Variants in COL4A2 observed in about 807,000 individuals in gnomAD.
COL4A2 encodes collagen alpha-2(IV) chain.
Under a neutral mutation model 200.2 loss-of-function variants are expected in COL4A2, and 99 were observed. The observed-to-expected ratio is 0.49, with a 90% confidence interval of 0.42 to 0.58. COL4A2 has a LOEUF of 0.58. Among genes scored for constraint, COL4A2 ranks in the 20% least tolerant of loss-of-function variants. The probability of loss-of-function intolerance (pLI) is 0.00; values close to 1 mark genes in which losing one functional copy is unlikely to be tolerated. For missense variants in COL4A2, 1,950 were observed against 2,314.1 expected (o/e 0.84, Z 3.23); for synonymous variants, 897 against 900.6 (o/e 1.00, Z 0.07).
At chr13:110,388,983 C>T (rs531642232) in intron 4 of COL4A2, among the ~76,000 whole-genome samples, 2 of 152,358 alleles carry the variant, frequency 1.3e-5, no homozygotes, top group Non-Finnish European at 2.9e-5. Flanking sequence ...GCCCTGCGAT[C>T]TCCATCCTGT....
chr13:110,310,249 C>T (rs575964699), intron 3 of COL4A2, among the ~76,000 whole-genome samples: 2 of 152,296 alleles, frequency 1.3e-5, no homozygotes, highest in Admixed American at 1.3e-4. Flanking sequence ...AAAGTGCAGG[C>T]CCCCTAGACC....
intron 3 of COL4A2, among the ~76,000 whole-genome samples, chr13:110,309,843 C>G (rs1446757877): frequency 2.0e-5 from 3 of 151,932 alleles, no homozygotes; most frequent in South Asian, 4.1e-4. Flanking sequence ...ACAAAAAAAT[C>G]AGCCGGGCTT....
At chr13:110,383,584 G>GTTATT (rs1566503849) in intron 4 of COL4A2, among the ~76,000 whole-genome samples, 1 of 133,070 alleles carries the variant, frequency 7.5e-6, no homozygotes, top group East Asian at 2.3e-4. Flanking sequence ...GCAATCAGTG[G>GTTATT]TTATTTTGTG....
chr13:110,456,685 C>A, intron 20 of COL4A2: 1 of 445,560 alleles, frequency 2.2e-6, no homozygotes, highest in Non-Finnish European at 4.6e-6. Flanking sequence ...TGGCTGAAAG[C>A]CACCCTGGGC....
In COL4A2 at chr13:110,429,923, T is replaced by C. The variant is rs1482277442; in HGVS notation, c.516T>C (p.Tyr172=). 2.5e-6 allele frequency: 4 copies of C among 1,612,298 alleles called. No individual in the cohort carries two copies. The highest frequency in any genetic ancestry group is 2.5e-6 in the Non-Finnish European group (3 of 1,179,466). Residue 172 remains tyrosine (Y), a synonymous_variant, in exon 8 of 48, where the codon TAT becomes TAC. Coordinates refer to ENST00000360467, the MANE Select transcript of COL4A2 (RefSeq NM_001846.4). ...QGPKGQKGEP[Y]ALPKEERDRY... ...CAAAAGGGCAGAAAGGTGAGCCTTA[T>C]GCACTGCCTAAAGAGGAGCGCGACA...
At chr13:110,483,100 T>C (rs1288169033) in intron 32 of COL4A2, among the ~76,000 whole-genome samples, 1 of 152,154 alleles carries the variant, frequency 6.6e-6, no homozygotes, top group Non-Finnish European at 1.5e-5. Context: ...ACACATGAGG[T>C]GGGTTCAAAC....
At chr13:110,318,678 A>G (rs909902385) in intron 3 of COL4A2, among the ~76,000 whole-genome samples, 1 of 152,202 alleles carries the variant, frequency 6.6e-6, no homozygotes, top group African/African-American at 2.4e-5. Context: ...CTGGGTTAAA[A>G]TAGTTCTTAC....
At chr13:110,364,841 G>C (rs1877675648) in intron 4 of COL4A2, among the ~76,000 whole-genome samples, 1 of 152,048 alleles carries the variant, frequency 6.6e-6, no homozygotes, top group African/African-American at 2.4e-5. Flanking sequence ...GTAACTGCTA[G>C]GCACATGCAG....
chr13:110,489,987 C>T (rs773161021), intron 36 of COL4A2, among the ~76,000 whole-genome samples: 2 of 152,216 alleles, frequency 1.3e-5, no homozygotes, highest in Non-Finnish European at 2.9e-5. Context: ...GTCTTTCTCT[C>T]TCTCTGTCTC....
At chr13:110,395,041 G>A (rs1017235795) in intron 4 of COL4A2, among the ~76,000 whole-genome samples, 4 of 152,208 alleles carry the variant, frequency 2.6e-5, no homozygotes, top group African/African-American at 7.2e-5. Flanking sequence ...ACTCCTAGCA[G>A]CCTCCATTTT....
In COL4A2 at chr13:110,473,056, G is replaced by A. The variant is rs369620826; in HGVS notation, c.2331G>A (p.Leu777=). The A allele has an allele frequency of 1.8e-4, 273 of 1,528,862 alleles. 2 individuals are homozygous for A. The South Asian group carries it at 2.5e-3, about 14-fold the overall frequency. The allele number at this position is 1,528,862 out of a possible 1,614,324, so 94.7% of individuals were successfully genotyped here. A position where few individuals can be genotyped will look rare whatever the true frequency, so the allele number is the denominator to read the frequency against. ...PGERGLPGEV[L]GAQPGPRGDA... ...AAAGGGGCCTCCCTGGAGAAGTCCT[G>A]GGAGCTCAGCCCGGGCCACGGGGAG... The change falls in exon 29 of 48, where the codon CTG becomes CTA. Residue 777 remains leucine, a synonymous_variant. Coordinates refer to ENST00000360467, the MANE Select transcript of COL4A2 (RefSeq NM_001846.4).
intron 3 of COL4A2, among the ~76,000 whole-genome samples, chr13:110,331,219 A>T (rs1875897327): frequency 1.3e-5 from 2 of 152,232 alleles, no homozygotes; most frequent in Admixed American, 1.3e-4. Context: ...GGACAGAGAA[A>T]GTCATATATT....
At chr13:110,468,425 G>T (rs921757747) in intron 27 of COL4A2, 7 of 431,278 alleles carry the variant, frequency 1.6e-5, no homozygotes, top group African/African-American at 1.4e-4. Context: ...AGGCCAGCAC[G>T]CTCAGCACAC....
In COL4A2 at chr13:110,363,500, G is replaced by C. The variant is rs147308124; in HGVS notation, c.180+5948G>C. Among the ~76,000 whole-genome samples the C allele has an allele frequency of 3.2e-4, 48 of 152,276 alleles. No individual in the cohort carries two copies. The South Asian group carries it at 7.5e-3, about 24-fold the overall frequency. On this transcript the variant is annotated intron_variant, in intron 4 of 47. Transcript: ENST00000360467. ...AATAGCTGCCAAGAGAAGAGGGAAC[G>C]AGTGCTCGGGGCGGGTTGGAGGCAG... is the stretch of plus-strand genomic sequence containing the variant.
intron 18 of COL4A2, 135 bp downstream of exon 18, chr13:110,446,999 A>AAT (rs397751776): frequency 3.5e-6 from 2 of 568,740 alleles, no homozygotes; most frequent in Non-Finnish European, 5.4e-6. Flanking sequence ...AATAAAAAAA[A>AAT]TAAAAAATAA....
chr13:110,332,556 G>T (rs1385490396), intron 3 of COL4A2, among the ~76,000 whole-genome samples: 1 of 152,134 alleles, frequency 6.6e-6, no homozygotes. Context: ...CTCTCCTTTT[G>T]TCCTCTTGAG....
chr13:110,331,677 ACACC>A (rs1875919998), intron 3 of COL4A2, among the ~76,000 whole-genome samples: 3 of 152,278 alleles, frequency 2.0e-5, no homozygotes, highest in Admixed American at 2.0e-4. Context: ...AATATTCCAA[ACACC>A]GACTCAAAAC....
chr13:110,467,239 C>T (rs1882280993), intron 27 of COL4A2, 143 bp downstream of exon 27: 1 of 1,079,914 alleles, frequency 9.3e-7, no homozygotes, highest in Non-Finnish European at 1.3e-6. Context: ...ACAAACTGGT[C>T]TTGCGCCTAC....
At chr13:110,373,280 A>G (rs1037277684) in intron 4 of COL4A2, among the ~76,000 whole-genome samples, 1 of 152,216 alleles carries the variant, frequency 6.6e-6, no homozygotes, top group Non-Finnish European at 1.5e-5. Context: ...TAGGTAGGGA[A>G]ATGATTTACA....
Sources: gnomAD v4.1 joint callset for allele counts (sites outside exome capture counted in the v4.1 genomes callset) on GRCh38, gnomAD v4.1.1 for gene constraint, MANE v1.5 for transcripts, NCBI Gene and HGNC (gene_info 2026-07-23, HGNC 2026-07-21) for gene names.